RANBP2: variants seen among roughly 807,000 people sequenced by gnomAD.
The protein encoded by RANBP2 is RAN binding protein 2, also known as E3 SUMO-protein ligase RanBP2.
RANBP2 carries 57 observed loss-of-function variants against 303.6 expected under a neutral mutation model. The ratio of observed to expected loss-of-function variants is 0.19; its 90% CI spans 0.15 to 0.23. The LOEUF (loss-of-function observed/expected upper bound fraction) is 0.23, where lower values mean the gene tolerates loss of function less well. Ranked by LOEUF, RANBP2 falls within the 10% of genes least tolerant of loss-of-function variation. The pLI is 1.00. For missense variants in RANBP2, 3,138 were observed against 3,780.8 expected (o/e 0.83, Z 4.46); for synonymous variants, 1,167 against 1,301.5 (o/e 0.90, Z 2.23).
At chr2:109,180,855 G>C in the RANBP2 span, among the ~76,000 whole-genome samples, 4 of 152,294 alleles carry the variant, frequency 2.6e-5, no homozygotes, top group East Asian at 7.7e-4. Context: ...GTGGTCACAG[G>C]GGCTTCAGGG....
At chr2:109,508,219 G>A in the RANBP2 span, among the ~76,000 whole-genome samples, 9 of 152,130 alleles carry the variant, frequency 5.9e-5, no homozygotes, top group South Asian at 2.1e-4. Context: ...CACTGGCTCC[G>A]TTTGGGCCCG....
chr2:109,419,605 C>G, the RANBP2 span: 12 of 1,593,746 alleles, frequency 7.5e-6, no homozygotes, highest in Non-Finnish European at 1.0e-5. Context: ...GTCTGGAGAG[C>G]AGGGCACGCC....
At chr2:109,155,643 A>G in the RANBP2 span, among the ~76,000 whole-genome samples, 11 of 152,186 alleles carry the variant, frequency 7.2e-5, no homozygotes, top group Non-Finnish European at 1.3e-4. Flanking sequence ...TTTGTGATTT[A>G]TTTCAAGCAG....
the RANBP2 span, chr2:109,545,449 G>C: frequency 1.3e-6 from 2 of 1,536,022 alleles, no homozygotes; most frequent in African/African-American, 2.7e-5. Context: ...TTGCACTGTG[G>C]CCCTCTCTAC....
chr2:108,839,339 C>G, the RANBP2 span: 3 of 1,503,952 alleles, frequency 2.0e-6, no homozygotes, highest in East Asian at 6.8e-5. Flanking sequence ...AAGTAATACT[C>G]CACCTAATAT....
At chr2:109,567,760 A>C in the RANBP2 span, 1 of 1,489,900 alleles carries the variant, frequency 6.7e-7, no homozygotes. Flanking sequence ...TTACTCACAA[A>C]TTACAGTTTT....
At chr2:109,623,316 A>G in the RANBP2 span, among the ~76,000 whole-genome samples, 1 of 152,042 alleles carries the variant, frequency 6.6e-6, no homozygotes, top group Non-Finnish European at 1.5e-5. Context: ...GTGCCCCTGC[A>G]TGTCCCTCTC....
the RANBP2 span, among the ~76,000 whole-genome samples, chr2:109,328,033 T>C: frequency 2.6e-5 from 4 of 152,288 alleles, 1 homozygote; most frequent in South Asian, 8.3e-4. Context: ...ACTTTTTTTG[T>C]TTTTTGGGGA....
At chr2:109,469,596 G>A in the RANBP2 span, among the ~76,000 whole-genome samples, 1 of 151,830 alleles carries the variant, frequency 6.6e-6, no homozygotes, top group Non-Finnish European at 1.5e-5. Context: ...AGGTGGGCTG[G>A]CAATGGGAGC....
Position 108,773,041 on chromosome 2 carries a change from G to A in RANBP2, c.8287G>A (p.Ala2763Thr), listed in dbSNP as rs368527127. ...ATCAGAGCTTCAAAAAGTTCAGGAA[G>A]CTCAAGTAAGAACATCTCTAATAAA... ...FQSELQKVQE[A>T]QKSQTEEITS... Residue 2763 changes from alanine to threonine, a missense_variant, in exon 23 of 29, where the codon GCT (alanine) becomes ACT (threonine). Physicochemically the swap from Ala to Thr is moderately conservative, Grantham distance 58. Coordinates refer to ENST00000283195, the MANE Select transcript of RANBP2 (RefSeq NM_006267.5). The A allele has an allele frequency of 6.2e-7, 1 of 1,609,770 alleles. No individual in the cohort carries two copies. The highest frequency in any genetic ancestry group is 2.2e-5 in the East Asian group (1 of 44,790).
the RANBP2 span, among the ~76,000 whole-genome samples, chr2:109,567,233 T>A: frequency 6.6e-6 from 1 of 152,176 alleles, no homozygotes; most frequent in African/African-American, 2.4e-5. Flanking sequence ...GTAACTCCAA[T>A]GGACATATGG....
At chr2:109,062,529 C>T in the RANBP2 span, among the ~76,000 whole-genome samples, 1 of 152,140 alleles carries the variant, frequency 6.6e-6, no homozygotes, top group African/African-American at 2.4e-5. Context: ...GTCATCACCA[C>T]TCAGATCAAG....
At chr2:109,093,245 C>T in the RANBP2 span, among the ~76,000 whole-genome samples, 5 of 151,842 alleles carry the variant, frequency 3.3e-5, no homozygotes, top group African/African-American at 1.2e-4. Flanking sequence ...CAATGGTGGC[C>T]CAGGTTCAAT....
the RANBP2 span, among the ~76,000 whole-genome samples, chr2:109,635,523 A>G: frequency 7.2e-5 from 11 of 152,294 alleles, no homozygotes; most frequent in East Asian, 1.7e-3. Flanking sequence ...CAATAATCCA[A>G]CACCCATCAA....
At chr2:108,934,245 G>C in the RANBP2 span, among the ~76,000 whole-genome samples, 1 of 152,194 alleles carries the variant, frequency 6.6e-6, no homozygotes, top group African/African-American at 2.4e-5. Context: ...GTGGGGTCTG[G>C]GGGAGGGGAG....
the RANBP2 span, among the ~76,000 whole-genome samples, chr2:108,805,728 A>G: frequency 6.6e-6 from 1 of 152,184 alleles, no homozygotes; most frequent in East Asian, 1.9e-4. Flanking sequence ...CTGTCTCAAA[A>G]AAAAAAAAAT....
chr2:109,560,859 C>T, the RANBP2 span, among the ~76,000 whole-genome samples: 1 of 152,098 alleles, frequency 6.6e-6, no homozygotes. Context: ...ATCCAAACAA[C>T]CACTAAGTTC....
the RANBP2 span, among the ~76,000 whole-genome samples, chr2:109,629,331 A>T: frequency 3.1e-4 from 5 of 16,330 alleles, no homozygotes; most frequent in Non-Finnish European, 3.9e-4. Context: ...ATATATATAT[A>T]TATATATATA....
chr2:109,640,741 T>G, the RANBP2 span, among the ~76,000 whole-genome samples: 3 of 152,152 alleles, frequency 2.0e-5, no homozygotes, highest in Non-Finnish European at 2.9e-5. Context: ...GGGCTCTGTC[T>G]TCCTTCTGTC....
Sources: allele counts gnomAD v4.1 joint callset (sites outside exome capture counted in the v4.1 genomes callset), GRCh38; gene constraint gnomAD v4.1.1; transcripts MANE v1.5; gene names NCBI Gene and HGNC (gene_info 2026-07-23, HGNC 2026-07-21).